The following PADI4 variants were observed in gnomAD, a reference collection of about 807,000 sequenced individuals.
PADI4 encodes protein-arginine deiminase type-4.
In PADI4, 62 loss-of-function variants were observed where a neutral mutation model predicts 75.0. The ratio of observed to expected loss-of-function variants is 0.83; its 90% confidence interval spans 0.67 to 1.02. PADI4 has a LOEUF of 1.02. PADI4 is among the 50% of genes least tolerant of loss of function. The pLI, the probability that PADI4 is intolerant of heterozygous loss-of-function variation, is 0.00. For synonymous variants in PADI4, 361 were observed against 348.1 expected (o/e 1.04, Z -0.41); for missense variants, 845 against 850.5 (o/e 0.99, Z 0.08).
chr1:17,322,969 T>G (rs1456830918), intron 1 of PADI4, among the ~76,000 whole-genome samples: 2 of 152,208 alleles, frequency 1.3e-5, no homozygotes, highest in Non-Finnish European at 2.9e-5. Context: ...TTTCTATAGG[T>G]TAGCAATCCA....
rs1329775079 is a variant in PADI4, at chr1:17,354,561, G to A, written c.1184G>A (p.Gly395Glu). 5.6e-6 allele frequency: 9 copies of A among 1,613,982 alleles called. No homozygotes were observed. The East Asian group carries it at 8.9e-5, about 16-fold the overall frequency. ...CCAGATTTTGGCTATGTAACTCGAG[G>A]GCCCCAAACAGGGGGTATCAGTGGA... ...MGPDFGYVTR[G>E]PQTGGISGLD... Residue 395 changes from glycine to glutamate, a missense_variant, in exon 11 of 16, where the codon GGG becomes GAG. By Grantham distance (98) the Gly-to-Glu change is moderately conservative. Transcript: ENST00000375448.
intron 2 of PADI4, among the ~76,000 whole-genome samples, chr1:17,332,579 C>CT (rs2074234077): frequency 6.6e-6 from 1 of 152,158 alleles, no homozygotes; most frequent in African/African-American, 2.4e-5. Context: ...TCTGCAAAGA[C>CT]TTTTTTTCCA....
chr1:17,359,176 C>G (rs2074810628), intron 14 of PADI4, 104 bp from the exon 15 acceptor site: 2 of 859,858 alleles, frequency 2.3e-6, no homozygotes, highest in South Asian at 3.2e-5. Flanking sequence ...TGACACTGTC[C>G]CAGGTCCTAC....
chr1:17,310,114 T>C (rs2073793561), intron 1 of PADI4, among the ~76,000 whole-genome samples: 1 of 152,222 alleles, frequency 6.6e-6, no homozygotes, highest in South Asian at 2.1e-4. Context: ...CCTGTCACTC[T>C]ATCCCCTGAA....
chr1:17,343,601 C>T (rs1319142051), intron 8 of PADI4, among the ~76,000 whole-genome samples: 1 of 152,204 alleles, frequency 6.6e-6, no homozygotes, highest in Non-Finnish European at 1.5e-5. Flanking sequence ...TGTACTCCCA[C>T]AATTCCCACG....
At chr1:17,333,736 A>G (rs1411577784) in intron 2 of PADI4, among the ~76,000 whole-genome samples, 1 of 151,940 alleles carries the variant, frequency 6.6e-6, no homozygotes, top group Non-Finnish European at 1.5e-5. Context: ...CTGGGCCCCC[A>G]TAGGATGCTC....
chr1:17,332,035 G>A (rs1253228936), intron 2 of PADI4, among the ~76,000 whole-genome samples: 3 of 152,202 alleles, frequency 2.0e-5, no homozygotes, highest in Non-Finnish European at 4.4e-5. Context: ...AGATTTTTCT[G>A]GAGGCTCCAG....
chr1:17,332,435 A>G (rs1050967469), intron 2 of PADI4, among the ~76,000 whole-genome samples: 1 of 151,940 alleles, frequency 6.6e-6, no homozygotes, highest in African/African-American at 2.4e-5. Context: ...TTTTTAGTAG[A>G]GATGGGATTT....
chr1:17,354,458 C>G (rs2074724402), intron 10 of PADI4, 75 bp from the exon 11 acceptor site: 1 of 1,356,508 alleles, frequency 7.4e-7, no homozygotes, highest in Admixed American at 1.7e-5. Flanking sequence ...AAGTTCATCT[C>G]TAAACTTGGA....
At chr1:17,335,458 C>T (rs1324860721) in intron 3 of PADI4, among the ~76,000 whole-genome samples, 3 of 152,132 alleles carry the variant, frequency 2.0e-5, no homozygotes, top group Non-Finnish European at 2.9e-5. Flanking sequence ...AATGCTTCCC[C>T]GGCCCTAACT....
rs1189773672 is a variant in PADI4, at chr1:17,356,519, GT to G, written c.1558+62del. 1 of 1,004,746 alleles carries G rather than the reference GT, an allele frequency of 1.0e-6. No homozygotes were observed. The highest frequency in any genetic ancestry group is 2.4e-5 in the East Asian group (1 of 41,324). The allele number at this position is 1,004,746 out of a possible 1,614,324, so 62.2% of individuals were successfully genotyped here. Reference sequence around the variant, plus strand: ...ACCTTCCTGCTTCCCATAGTCCGCTGTTGCCTGGAGGGAATCATCCAGGCAA... The same window carrying G: ...ACCTTCCTGCTTCCCATAGTCCGCTGTGCCTGGAGGGAATCATCCAGGCAA... On this transcript the variant is annotated intron_variant, in intron 13 of 15. Transcript: ENST00000375448. This position sits in a 1 kb window ranked among gnomAD's most constrained non-coding sequence, Gnocchi z 4.1.
At chr1:17,317,290 C>G (rs1410139079) in intron 1 of PADI4, among the ~76,000 whole-genome samples, 3 of 151,690 alleles carry the variant, frequency 2.0e-5, no homozygotes, top group African/African-American at 7.3e-5. Flanking sequence ...ATAATGCCGA[C>G]GGAGTCTCGC....
chr1:17,318,559 T>C (rs2100667528), intron 1 of PADI4, among the ~76,000 whole-genome samples: 1 of 152,340 alleles, frequency 6.6e-6, no homozygotes, highest in East Asian at 1.9e-4. Flanking sequence ...AAGAATAACC[T>C]GACTGCTGAG....
intron 1 of PADI4, among the ~76,000 whole-genome samples, chr1:17,328,999 TATG>T (rs1002379290): frequency 4.0e-5 from 6 of 148,726 alleles, no homozygotes; most frequent in South Asian, 4.2e-4. Context: ...ATATTTTTAT[TATG>T]ATATTTATTA....
chr1:17,359,375 G>C lies in PADI4; in HGVS notation c.1725G>C (p.Glu575Asp). 1 of 1,614,170 alleles carries C rather than the reference G, an allele frequency of 6.2e-7. No homozygotes were observed. The highest frequency in any genetic ancestry group is 8.5e-7 in the Non-Finnish European group (1 of 1,180,022). ...IDIPQLFKLK[E>D]FSKAEAFFPN... ...TCCCGCAGCTCTTCAAGCTCAAAGA[G>C]TTCTCTAAGGCGGAAGCTTTTTTCC... Residue 575 changes from glutamate to aspartate, a missense_variant, in exon 15 of 16, where the codon GAG (glutamate) becomes GAC (aspartate). Coordinates refer to ENST00000375448, the MANE Select transcript of PADI4 (RefSeq NM_012387.3).
Position 17,356,265 on chromosome 1 carries a change from A to G in PADI4, c.1456-92A>G. ...TAGAGGAGGTGGCCAGCTTGGGTCC[A>G]AGTCCACACTACTCCCACCCTCAGC... is the stretch of plus-strand genomic sequence containing the variant. On this transcript the variant is annotated intron_variant, in intron 12 of 15. Coordinates refer to ENST00000375448, the MANE Select transcript of PADI4 (RefSeq NM_012387.3). This position sits in a 1 kb window ranked among gnomAD's most constrained non-coding sequence, Gnocchi z 4.1. 1.6e-6 allele frequency: 2 copies of G among 1,275,132 alleles called. No individual in the cohort carries two copies. Among genetic ancestry groups the G allele is most frequent in the South Asian group, 2.8e-5 (2 of 72,430 alleles). The allele number at this position is 1,275,132 out of a possible 1,614,324, so 79.0% of individuals were successfully genotyped here.
chr1:17,359,504 G>A (rs2074819619), intron 15 of PADI4, 96 bp downstream of exon 15: 1 of 1,532,260 alleles, frequency 6.5e-7, no homozygotes. Flanking sequence ...AGAGGGCTTG[G>A]CTCCTCTCTG....
intron 10 of PADI4, among the ~76,000 whole-genome samples, chr1:17,352,040 AGAGGCAGTCAGG>A (rs1557576761): frequency 1.2e-5 from 1 of 80,368 alleles, no homozygotes; most frequent in Non-Finnish European, 2.4e-5. Context: ...TGATGGGAGG[AGAGGCAGTCAGG>A]GAGGTGATGG....
At chr1:17,341,806 C>T (rs1229381358) in intron 6 of PADI4, 137 bp from the exon 7 acceptor site, 5 of 638,580 alleles carry the variant, frequency 7.8e-6, no homozygotes, top group African/African-American at 1.8e-5. Context: ...AGGGGACTGG[C>T]CAGATTTGGC....
Sources: gnomAD v4.1 joint callset for allele counts (sites outside exome capture counted in the v4.1 genomes callset) on GRCh38, gnomAD v4.1.1 for gene constraint, Gnocchi (gnomAD v3.1) non-coding constraint, MANE v1.5 for transcripts, NCBI Gene and HGNC (gene_info 2026-07-23, HGNC 2026-07-21) for gene names.